Variants in PPTC7 observed in about 807,000 individuals in gnomAD.
PPTC7 encodes the protein protein phosphatase PTC7 homolog.
In PPTC7, 6 loss-of-function variants were observed where a neutral mutation model predicts 30.8. That is an observed-to-expected ratio of 0.19 (90% CI 0.11 to 0.38). PPTC7 has a LOEUF of 0.38. PPTC7 is among the 10% of genes least tolerant of loss of function. PPTC7 has a pLI of 1.00. For missense variants in PPTC7, 218 were observed against 404.8 expected (o/e 0.54, Z 3.96); for synonymous variants, 163 against 168.1 (o/e 0.97, Z 0.23).
chr12:110,580,111 C>T (rs1467172257), intron 1 of PPTC7, among the ~76,000 whole-genome samples: 3 of 152,040 alleles, frequency 2.0e-5, no homozygotes. Flanking sequence ...ATCGTCCATT[C>T]CCTTTATCCC....
At chr12:110,555,273 GACCA>G (rs1178205187) in intron 1 of PPTC7, among the ~76,000 whole-genome samples, 2 of 152,166 alleles carry the variant, frequency 1.3e-5, no homozygotes, top group African/African-American at 4.8e-5. Flanking sequence ...CCACCTATGT[GACCA>G]ACCAATAAAC....
intron 2 of PPTC7, among the ~76,000 whole-genome samples, chr12:110,551,025 T>C (rs1316371570): frequency 6.6e-6 from 1 of 152,254 alleles, no homozygotes. Context: ...TTCTGCAATG[T>C]TCTCTCTTCC....
At chr12:110,553,435 C>T (rs1476089638) in intron 1 of PPTC7, among the ~76,000 whole-genome samples, 7 of 151,922 alleles carry the variant, frequency 4.6e-5, no homozygotes, top group African/African-American at 7.2e-5. Context: ...TGAGCCACTG[C>T]GCCCGGCCCC....
At chr12:110,552,021 G>C in intron 1 of PPTC7, 53 bp from the exon 2 acceptor site, 1 of 1,458,454 alleles carries the variant, frequency 6.9e-7, no homozygotes, top group Non-Finnish European at 9.5e-7. Context: ...AACTTCTCAG[G>C]AATTCTTACC....
At chr12:110,545,734 G>A (rs369815097) in intron 3 of PPTC7, 146 bp downstream of exon 3, 1 of 693,078 alleles carries the variant, frequency 1.4e-6, no homozygotes, top group East Asian at 2.7e-5. Flanking sequence ...ATCTTTCAAA[G>A]TTAAACTAAA....
chr12:110,544,556 C>T (rs1340484475), intron 3 of PPTC7, among the ~76,000 whole-genome samples: 4 of 152,228 alleles, frequency 2.6e-5, no homozygotes, highest in Non-Finnish European at 5.9e-5. Context: ...ACCATTTTGG[C>T]TGGGCGCAGT....
chr12:110,538,382 A>T, intron 4 of PPTC7, 109 bp from the exon 5 acceptor site: 1 of 1,036,748 alleles, frequency 9.6e-7, no homozygotes, highest in Non-Finnish European at 1.4e-6. Flanking sequence ...AAAGACATTA[A>T]AACATCATGC....
chr12:110,574,442 A>T (rs1418072023), intron 1 of PPTC7, among the ~76,000 whole-genome samples: 1 of 152,150 alleles, frequency 6.6e-6, no homozygotes, highest in Non-Finnish European at 1.5e-5. Context: ...TTAGAAAAAA[A>T]AAAGAATGAA....
At chr12:110,556,599 T>C (rs951815781) in intron 1 of PPTC7, among the ~76,000 whole-genome samples, 3 of 152,056 alleles carry the variant, frequency 2.0e-5, no homozygotes, top group Admixed American at 6.5e-5. Context: ...TAAAGAAAAC[T>C]GTTAAAGGAG....
chr12:110,571,127 T>G (rs1279604263), intron 1 of PPTC7, among the ~76,000 whole-genome samples: 1 of 152,092 alleles, frequency 6.6e-6, no homozygotes, highest in African/African-American at 2.4e-5. Flanking sequence ...GCTTGTGCAC[T>G]CGGAAGAAGC....
At chr12:110,546,283 T>C (rs1372854840) in intron 2 of PPTC7, 4 of 574,032 alleles carry the variant, frequency 7.0e-6, no homozygotes, top group Non-Finnish European at 1.2e-5. Flanking sequence ...AAAAAGGATT[T>C]GTATTATACA....
chr12:110,552,091 T>C, intron 1 of PPTC7, 123 bp from the exon 2 acceptor site: 1 of 749,126 alleles, frequency 1.3e-6, no homozygotes, highest in Non-Finnish European at 2.1e-6. Context: ...ACTCCAAAAT[T>C]CAGAATAAAA....
intron 3 of PPTC7, among the ~76,000 whole-genome samples, chr12:110,543,016 G>A (rs1195832505): frequency 1.3e-5 from 2 of 152,148 alleles, no homozygotes; most frequent in African/African-American, 4.8e-5. Flanking sequence ...CTGATAATCC[G>A]CCTTAATCTG....
intron 2 of PPTC7, 35 bp from the exon 3 acceptor site, chr12:110,546,113 TC>T: frequency 6.3e-7 from 1 of 1,578,118 alleles, no homozygotes; most frequent in Non-Finnish European, 8.7e-7. Flanking sequence ...TATTTTTTCT[TC>T]CTAGGCTGCC....
intron 1 of PPTC7, among the ~76,000 whole-genome samples, chr12:110,564,247 A>C (rs891800226): frequency 2.0e-5 from 3 of 152,236 alleles, no homozygotes; most frequent in Non-Finnish European, 4.4e-5. Flanking sequence ...TACTTATTGT[A>C]AGTTATGAAT....
intron 1 of PPTC7, among the ~76,000 whole-genome samples, chr12:110,554,774 A>T (rs772096517): frequency 1.3e-5 from 2 of 152,236 alleles, no homozygotes; most frequent in Non-Finnish European, 2.9e-5. Context: ...CTGAGAGAAA[A>T]TGTCAAAAAT....
At chr12:110,537,417 C>A (rs1225652538) in intron 5 of PPTC7, among the ~76,000 whole-genome samples, 1 of 152,138 alleles carries the variant, frequency 6.6e-6, no homozygotes, top group African/African-American at 2.4e-5. Flanking sequence ...GCTTCTATAC[C>A]CACAATCCTA....
At chr12:110,557,441 CTTTTTT>C (rs558549027) in intron 1 of PPTC7, among the ~76,000 whole-genome samples, 1 of 148,846 alleles carries the variant, frequency 6.7e-6, no homozygotes, top group Non-Finnish European at 1.5e-5. Flanking sequence ...CACCCCGCTA[CTTTTTT>C]TTTTAAGTTT....
intron 1 of PPTC7, among the ~76,000 whole-genome samples, chr12:110,574,141 T>TAAAAAAAAAAAAA (rs58133391): frequency 1.6e-4 from 6 of 37,444 alleles, no homozygotes; most frequent in Admixed American, 5.1e-4. Context: ...CCACAATAAT[T>TAAAAAAAAAAAAA]AAAAAAAAAA....
Sources: allele counts gnomAD v4.1 joint callset (sites outside exome capture counted in the v4.1 genomes callset), GRCh38; gene constraint gnomAD v4.1.1; transcripts MANE v1.5; gene names NCBI Gene and HGNC (gene_info 2026-07-23, HGNC 2026-07-21).